Variants in GPSM2 observed in about 807,000 individuals in gnomAD.
GPSM2 encodes G protein-signaling modulator 2.
In GPSM2, 58 loss-of-function variants were observed where a neutral mutation model predicts 78.4. The observed-to-expected ratio is 0.74, with a 90% CI of 0.60 to 0.92. The LOEUF is 0.92. Among genes scored for constraint, GPSM2 ranks in the 40% least tolerant of loss-of-function variants. GPSM2 has a pLI of 0.00. For missense variants in GPSM2, 700 were observed against 815.5 expected (o/e 0.86, Z 1.73); for synonymous variants, 224 against 280.2 (o/e 0.80, Z 2.00).
At chr1:108,924,454 T>C in intron 14 of GPSM2, 1 of 556,220 alleles carries the variant, frequency 1.8e-6, no homozygotes, top group Non-Finnish European at 3.2e-6. Flanking sequence ...TGTGTATATA[T>C]ATAGAGAGAG....
At chr1:108,913,194 T>C (rs1411060743) in intron 10 of GPSM2, among the ~76,000 whole-genome samples, 3 of 152,204 alleles carry the variant, frequency 2.0e-5, no homozygotes, top group African/African-American at 7.2e-5. Flanking sequence ...CCTGTTGTGC[T>C]CCCAGTTATA....
At chr1:108,908,016 ATG>A (rs1163075148) in intron 10 of GPSM2, among the ~76,000 whole-genome samples, 2 of 152,256 alleles carry the variant, frequency 1.3e-5, no homozygotes, top group African/African-American at 4.8e-5. Flanking sequence ...TTTGCAAACT[ATG>A]TGTCTGACCC....
Position 108,901,274 on chromosome 1 carries a change from G to A in GPSM2, c.798-516G>A, listed in dbSNP as rs527786134. Among the ~76,000 whole-genome samples the A allele has an allele frequency of 7.9e-4, 121 of 152,296 alleles. No individual in the cohort carries two copies. The Middle Eastern group carries it at 0.014, about 17-fold the overall frequency. On this transcript the variant is annotated intron_variant, in intron 7 of 14. Transcript: ENST00000264126. The stretch of plus-strand genomic sequence containing the variant: ...ACAGGTAGAATTTGGGTAATGTTTG[G>A]ATGTAGTATTCAGTATTTTTCATGA...
intron 10 of GPSM2, among the ~76,000 whole-genome samples, chr1:108,911,834 T>G (rs565645396): frequency 4.7e-4 from 61 of 129,400 alleles, no homozygotes; most frequent in African/African-American, 1.8e-3. Context: ...AAAGACAGGC[T>G]CTTACTCTGT....
In GPSM2 at chr1:108,924,189, T is replaced by C. The variant is rs769580596; in HGVS notation, c.1790T>C (p.Phe597Ser). 6.2e-7 allele frequency: 1 copy of C among 1,612,082 alleles called. No individual in the cohort carries two copies. Among genetic ancestry groups the C allele is most frequent in the African/African-American group, 1.3e-5 (1 of 74,876 alleles). Residue 597 changes from phenylalanine to serine, a missense_variant, in exon 14 of 15, where the codon TTC (phenylalanine) becomes TCC (serine). Transcript: ENST00000264126. ...GACAACAAAGAGGCTGATGAAGATT[T>C]CTTTGACATCCTTGTAAAATGTCAA... ...TNDNKEADED[F>S]FDILVKCQGS...
chr1:108,911,823 T>TTA lies in GPSM2; in HGVS notation c.1193-2515_1193-2514insTA, dbSNP rs1382101509. Among the ~76,000 whole-genome samples the TTA allele has an allele frequency of 4.7e-5, 7 of 149,168 alleles. No homozygotes were observed. In the East Asian group the frequency reaches 5.9e-4, roughly 13 times the overall value. ...AATTTTTTTTTTTTTTTTTTTTTTT[T>TTA]AAAGACAGGCTCTTACTCTGTCACC... On this transcript the variant is annotated intron_variant, in intron 10 of 14. Coordinates refer to ENST00000264126, the MANE Select transcript of GPSM2 (RefSeq NM_013296.5).
chr1:108,907,559 A>G lies in GPSM2; in HGVS notation c.1192+3305A>G, dbSNP rs185904469. 2.0e-4 allele frequency among the ~76,000 whole-genome samples: 30 copies of G among 152,354 alleles called. No homozygotes were observed. In the East Asian group the frequency reaches 4.0e-3, roughly 21 times the overall value. On this transcript the variant is annotated intron_variant, in intron 10 of 14. Coordinates refer to ENST00000264126, the MANE Select transcript of GPSM2 (RefSeq NM_013296.5). ...GATGTTAGAATTATCAGATATAGAA[A>G]ATAAAATGACTGTGGTTGAACGTTT...
intron 12 of GPSM2, among the ~76,000 whole-genome samples, chr1:108,919,897 G>A (rs539291967): frequency 3.3e-5 from 5 of 152,190 alleles, no homozygotes; most frequent in Non-Finnish European, 5.9e-5. Context: ...CGGGTGCAGT[G>A]GCTCATGCCT....
chr1:108,899,040 C>A, intron 7 of GPSM2, 46 bp downstream of exon 7: 1 of 1,110,790 alleles, frequency 9.0e-7, no homozygotes, highest in Non-Finnish European at 1.4e-6. Context: ...AATACTCAGT[C>A]CCATTAATTC....
Position 108,885,385 on chromosome 1 carries a change from T to TC in GPSM2, c.-137dup. On this transcript the variant is annotated 5_prime_UTR_variant, in exon 2 of 15. Transcript: ENST00000264126. ...TCCTTTCATTATTAATAAAGAAGAA[T>TC]CAGGAGCTTAGGATGTATTAACACC... 1.8e-6 allele frequency: 1 copy of TC among 548,058 alleles called. No homozygotes were observed. Among genetic ancestry groups the TC allele is most frequent in the Admixed American group, 3.1e-5 (1 of 31,916 alleles). The allele number at this position is 548,058 out of a possible 1,614,324, so 33.9% of individuals were successfully genotyped here.
chr1:108,898,361 G>T (rs1648542027), intron 5 of GPSM2, among the ~76,000 whole-genome samples: 1 of 152,170 alleles, frequency 6.6e-6, no homozygotes, highest in Admixed American at 6.5e-5. Context: ...GAGTAATTTA[G>T]TCTTTTACCA....
chr1:108,877,092 C>CGGGGGCGGGAGCA lies in GPSM2; in HGVS notation c.-377_-365dup, dbSNP rs1557849226. Reference sequence around the variant, plus strand: ...ACGAGCTCTGGCCCACGTGACCTGCCGGGGGCGGGAGCAGGGGGCGCGCCG... The same window carrying CGGGGGCGGGAGCA: ...ACGAGCTCTGGCCCACGTGACCTGCCGGGGGCGGGAGCAGGGGGCGGGAGCAGGGGGCGCGCCG... On this transcript the variant is annotated 5_prime_UTR_variant, in exon 1 of 15. Transcript: ENST00000264126. 1 of 152,160 alleles carries CGGGGGCGGGAGCA rather than the reference C, an allele frequency of 6.6e-6. No individual in the cohort carries two copies. The highest frequency in any genetic ancestry group is 2.4e-5 in the African/African-American group (1 of 41,434). The allele number at this position is 152,160 out of a possible 1,614,324, so 9.4% of individuals were successfully genotyped here. A position where few individuals can be genotyped will look rare whatever the true frequency, so the allele number is the denominator to read the frequency against.
intron 1 of GPSM2, among the ~76,000 whole-genome samples, chr1:108,880,410 A>G (rs988199717): frequency 2.6e-5 from 4 of 152,202 alleles, no homozygotes; most frequent in African/African-American, 9.7e-5. Flanking sequence ...CCTGCCCAAC[A>G]TGGCGAAACC....
At chr1:108,911,316 TC>T (rs1156846486) in intron 10 of GPSM2, among the ~76,000 whole-genome samples, 3 of 152,006 alleles carry the variant, frequency 2.0e-5, no homozygotes, top group African/African-American at 7.3e-5. Flanking sequence ...TCACTTGAGA[TC>T]AGAAGTTCAA....
chr1:108,884,998 TATG>T (rs1336468376), intron 1 of GPSM2, among the ~76,000 whole-genome samples: 2 of 152,370 alleles, frequency 1.3e-5, no homozygotes, highest in South Asian at 2.1e-4. Flanking sequence ...TAGATGCTAA[TATG>T]ATACATACTG....
intron 10 of GPSM2, among the ~76,000 whole-genome samples, chr1:108,910,514 A>G (rs1466316355): frequency 6.6e-6 from 1 of 152,224 alleles, no homozygotes; most frequent in Non-Finnish European, 1.5e-5. Context: ...ACTTGTGAAC[A>G]TAAGATATAA....
chr1:108,905,308 G>C (rs982012897), intron 10 of GPSM2, among the ~76,000 whole-genome samples: 5 of 152,128 alleles, frequency 3.3e-5, no homozygotes, highest in African/African-American at 1.2e-4. Context: ...CTGTTCCTTT[G>C]TTCGCTCTTA....
At chr1:108,908,341 A>G (rs1649415087) in intron 10 of GPSM2, among the ~76,000 whole-genome samples, 1 of 150,548 alleles carries the variant, frequency 6.6e-6, no homozygotes, top group African/African-American at 2.5e-5. Context: ...ACTGCACTCC[A>G]GCCTGGGCAA....
intron 11 of GPSM2, among the ~76,000 whole-genome samples, chr1:108,915,010 A>T (rs1057361353): frequency 6.6e-6 from 1 of 152,148 alleles, no homozygotes; most frequent in Non-Finnish European, 1.5e-5. Context: ...ATAATTAGAA[A>T]CAGGTTATTG....
Sources: gnomAD v4.1 joint callset for allele counts (sites outside exome capture counted in the v4.1 genomes callset) on GRCh38, gnomAD v4.1.1 for gene constraint, MANE v1.5 for transcripts, NCBI Gene and HGNC (gene_info 2026-07-23, HGNC 2026-07-21) for gene names.